The following DOCK8 variants were observed in gnomAD, a reference collection of about 807,000 sequenced individuals.
DOCK8 encodes dedicator of cytokinesis 8, also known as dedicator of cytokinesis protein 8.
In DOCK8, 141 loss-of-function variants were observed where a neutral mutation model predicts 245.6. The ratio of observed to expected loss-of-function variants is 0.57; its 90% confidence interval spans 0.50 to 0.66. The LOEUF (loss-of-function observed/expected upper bound fraction) is 0.66, where lower values mean the gene tolerates loss of function less well. Among genes scored for constraint, DOCK8 ranks in the 30% least tolerant of loss-of-function variants. The pLI is 0.00. For missense variants in DOCK8, 2,965 were observed against 2,603.4 expected, an observed-to-expected ratio of 1.14 and a Z score of -3.02; for synonymous variants, 1,168 against 970.2, an observed-to-expected ratio of 1.20 and a Z score of -3.79.
intron 46 of DOCK8, chr9:459,907 C>T (rs1295024851): frequency 6.6e-6 from 1 of 152,226 alleles, no homozygotes; most frequent in Non-Finnish European, 1.5e-5. Flanking sequence ...GCCATATTAC[C>T]TTTTATTAGC....
intron 35 of DOCK8, 88 bp from the exon 36 acceptor site, chr9:429,614 G>A (rs2056634207): frequency 6.6e-7 from 1 of 1,520,922 alleles, no homozygotes; most frequent in African/African-American, 1.4e-5. Context: ...CTTTTTGCTT[G>A]TCCAAATGGA....
At chr9:393,672 G>A (rs2054308913) in intron 24 of DOCK8, among the ~76,000 whole-genome samples, 1 of 152,158 alleles carries the variant, frequency 6.6e-6, no homozygotes, top group Admixed American at 6.5e-5. Context: ...AGTCCCTTAT[G>A]GTAAACAGAT....
intron 4 of DOCK8, among the ~76,000 whole-genome samples, chr9:291,453 T>G (rs958386148): frequency 9.9e-5 from 15 of 152,212 alleles, no homozygotes; most frequent in African/African-American, 3.6e-4. Flanking sequence ...GCGTGAAAAC[T>G]AAATAAGATT....
At chr9:292,759 T>C (rs2049099984) in intron 4 of DOCK8, among the ~76,000 whole-genome samples, 1 of 152,178 alleles carries the variant, frequency 6.6e-6, no homozygotes, top group South Asian at 2.1e-4. Flanking sequence ...TTCAGAATTA[T>C]TTATGTCATT....
intron 7 of DOCK8, among the ~76,000 whole-genome samples, chr9:324,939 T>C (rs139451467): frequency 6.6e-6 from 1 of 152,270 alleles, no homozygotes; most frequent in East Asian, 1.9e-4. Context: ...GTGTACATTG[T>C]ACCCAGTATG....
chr9:359,803 C>CAAAAAA (rs67236172), intron 14 of DOCK8, among the ~76,000 whole-genome samples: 1 of 108,518 alleles, frequency 9.2e-6, no homozygotes, highest in Non-Finnish European at 2.0e-5. Context: ...TCTGTCTTTG[C>CAAAAAA]AAAAAAAAAA....
chr9:402,059 G>A (rs1157240611), intron 26 of DOCK8, among the ~76,000 whole-genome samples: 2 of 152,180 alleles, frequency 1.3e-5, no homozygotes, highest in African/African-American at 4.8e-5. Flanking sequence ...TTTAAGTTGA[G>A]TGTATGAAAG....
intron 1 of DOCK8, among the ~76,000 whole-genome samples, chr9:224,923 G>C (rs1447109076): frequency 6.6e-6 from 1 of 152,156 alleles, no homozygotes; most frequent in East Asian, 1.9e-4. Context: ...TTGTCTGTGA[G>C]AACAAGACTA....
At chr9:393,356 C>G (rs893028506) in intron 24 of DOCK8, among the ~76,000 whole-genome samples, 1 of 152,104 alleles carries the variant, frequency 6.6e-6, no homozygotes, top group South Asian at 2.1e-4. Context: ...AAAGAATAAT[C>G]ACATCAAAAC....
chr9:401,415 G>A (rs1350044682), intron 26 of DOCK8, among the ~76,000 whole-genome samples: 3 of 152,126 alleles, frequency 2.0e-5, no homozygotes, highest in Non-Finnish European at 2.9e-5. Context: ...TAGGGCAGAA[G>A]CTTATAGATC....
chr9:305,524 A>T (rs976848402), intron 5 of DOCK8, among the ~76,000 whole-genome samples: 2 of 152,146 alleles, frequency 1.3e-5, no homozygotes, highest in African/African-American at 4.8e-5. Context: ...TGACCTTGTG[A>T]TCCGCCCGCC....
At chr9:304,839 G>A in intron 5 of DOCK8, 135 bp downstream of exon 5, 1 of 1,253,762 alleles carries the variant, frequency 8.0e-7, no homozygotes, top group Non-Finnish European at 1.1e-6. Flanking sequence ...ATCTGAGTCA[G>A]TGATTTTTTT....
At chr9:385,937 T>C (rs1055400098) in intron 22 of DOCK8, among the ~76,000 whole-genome samples, 7 of 152,182 alleles carry the variant, frequency 4.6e-5, no homozygotes, top group East Asian at 1.9e-4. Flanking sequence ...CCTTCAGAGG[T>C]AGTTTTTGAC....
chr9:273,216 T>G, intron 2 of DOCK8: 2 of 758,364 alleles, frequency 2.6e-6, no homozygotes, highest in Non-Finnish European at 3.2e-6. Flanking sequence ...GAGGTAACTT[T>G]CCATGCCATT....
intron 5 of DOCK8, among the ~76,000 whole-genome samples, chr9:310,552 G>A (rs1022856862): frequency 4.6e-5 from 7 of 152,108 alleles, no homozygotes; most frequent in South Asian, 2.1e-4. Context: ...TCCACCTCCC[G>A]GGTTCAAGCG....
intron 22 of DOCK8, 105 bp downstream of exon 22, chr9:382,790 T>C (rs987048681): frequency 1.4e-6 from 2 of 1,442,644 alleles, no homozygotes; most frequent in African/African-American, 1.4e-5. Context: ...CCCACCATGC[T>C]GGTCGGATGC....
At chr9:400,818 CCTCCACCATCACCAT>C (rs2054955635) in intron 26 of DOCK8, among the ~76,000 whole-genome samples, 3 of 100,530 alleles carry the variant, frequency 3.0e-5, no homozygotes, top group East Asian at 3.2e-4. Flanking sequence ...ATCACCACCA[CCTCCACCATCACCAT>C]CACCACCACC....
intron 4 of DOCK8, among the ~76,000 whole-genome samples, chr9:298,473 T>C (rs567976585): frequency 3.2e-4 from 49 of 152,292 alleles, no homozygotes; most frequent in African/African-American, 1.2e-3. Context: ...TTTTTTCAGA[T>C]ACAGTGCATG....
rs367602254 is a variant in DOCK8 at position 368,125 on chromosome 9, A to G, written c.1787A>G (p.Asn596Ser). Residue 596 changes from asparagine to serine, a missense_variant, in exon 15 of 48, where the codon AAT becomes AGT. Coordinates refer to ENST00000432829, the MANE Select transcript of DOCK8 (RefSeq NM_203447.4). ...TTTATGTGTGGAGAAGATGCTAGCAATGCGATGCCGGTAAGGAGGGAAACG... is the reference window on the plus strand; with the variant it reads ...TTTATGTGTGGAGAAGATGCTAGCAGTGCGATGCCGGTAAGGAGGGAAACG... ...IQFMCGEDAS[N>S]AMPVIFGKSS... 4 of 1,613,824 alleles carry G rather than the reference A, an allele frequency of 2.5e-6. No individual in the cohort carries two copies. In the African/African-American group the frequency reaches 5.3e-5, roughly 22 times the overall value.
Sources: allele counts gnomAD v4.1 joint callset (sites outside exome capture counted in the v4.1 genomes callset), GRCh38; gene constraint gnomAD v4.1.1; transcripts MANE v1.5; gene names NCBI Gene and HGNC (gene_info 2026-07-23, HGNC 2026-07-21).